The following TNS1 variants were observed in gnomAD, a reference collection of about 807,000 sequenced individuals.
TNS1 encodes the protein tensin-1.
TNS1 carries 62 observed loss-of-function variants against 168.6 expected under a neutral mutation model. That is an observed-to-expected ratio of 0.37 (90% CI 0.30 to 0.45). The LOEUF (loss-of-function observed/expected upper bound fraction) is 0.45, where lower values mean the gene tolerates loss of function less well. TNS1 is among the 20% of genes least tolerant of loss of function. TNS1 has a pLI of 1.00. For synonymous variants in TNS1, 934 were observed against 933.2 expected, an observed-to-expected ratio of 1.00 and a Z score of -0.02; for missense variants, 2,240 against 2,339.4, an observed-to-expected ratio of 0.96 and a Z score of 0.88.
intron 3 of TNS1, among the ~76,000 whole-genome samples, chr2:217,960,240 G>A (rs1957464326): frequency 6.6e-6 from 1 of 152,156 alleles, no homozygotes; most frequent in Non-Finnish European, 1.5e-5. Context: ...CAGCAACCCT[G>A]CAAGCCAGGT....
intron 18 of TNS1, among the ~76,000 whole-genome samples, chr2:217,864,412 C>T (rs962193176): frequency 2.0e-5 from 3 of 152,184 alleles, no homozygotes; most frequent in Admixed American, 2.0e-4. Context: ...ATGCCATCTT[C>T]CTGATAAAGA....
At chr2:218,010,731 G>C (rs1958698952), upstream of TNS1, among the ~76,000 whole-genome samples, 1 of 152,126 alleles carries the variant, frequency 6.6e-6, no homozygotes. Context: ...GCTGCAGTGA[G>C]GGTGTGAGCC....
At chr2:217,852,196 A>G (rs1360909653) in intron 18 of TNS1, among the ~76,000 whole-genome samples, 1 of 152,174 alleles carries the variant, frequency 6.6e-6, no homozygotes, top group Non-Finnish European at 1.5e-5. Flanking sequence ...AAAGCACTGA[A>G]GACAGGAGCC....
chr2:218,031,172 TTG>T (rs1391934200), intron 1 of TNS1, among the ~76,000 whole-genome samples: 3 of 146,608 alleles, frequency 2.0e-5, no homozygotes, highest in Admixed American at 6.8e-5. Flanking sequence ...TATGAGTGTC[TTG>T]TGTGAGTGTG....
chr2:217,860,668 TG>T (rs1948697235), intron 18 of TNS1, among the ~76,000 whole-genome samples: 1 of 152,260 alleles, frequency 6.6e-6, no homozygotes, highest in African/African-American at 2.4e-5. Context: ...ATTATTATTT[TG>T]TAAGTTATAA....
In TNS1 at chr2:217,818,353, T is replaced by G. The variant is rs1179684541; in HGVS notation, c.3979A>C (p.Thr1327Pro). 33 of 1,614,046 alleles carry G rather than the reference T, an allele frequency of 2.0e-5. No homozygotes were observed. The highest frequency in any genetic ancestry group is 2.7e-5 in the Non-Finnish European group (32 of 1,180,046). ...GAGACAGTGCTACCATGGAAGCCAG[T>G]GCCTGGTGGACCCATCATCTGGTGA... The part of the protein sequence containing the change: ...SHHQMMGPPG[T>P]GFHGSTVSSP... The change falls in exon 24 of 33, where the codon ACT becomes CCT. Residue 1327 changes from threonine (T) to proline (P), a missense_variant. Coordinates refer to ENST00000682258, the MANE Select transcript of TNS1 (RefSeq NM_001387777.1).
chr2:217,872,329 G>T (rs188783431), intron 18 of TNS1, among the ~76,000 whole-genome samples: 1 of 152,162 alleles, frequency 6.6e-6, no homozygotes, highest in Non-Finnish European at 1.5e-5. Flanking sequence ...CCTGTTGCCA[G>T]AATATAAAAT....
intron 1 of TNS1, among the ~76,000 whole-genome samples, chr2:217,999,238 C>T (rs1178073253): frequency 2.0e-5 from 3 of 152,236 alleles, no homozygotes; most frequent in East Asian, 3.8e-4. Context: ...GGAGTCTTGA[C>T]TCTGACTTGC....
At chr2:217,867,334 T>C (rs560530992) in intron 18 of TNS1, among the ~76,000 whole-genome samples, 2 of 152,360 alleles carry the variant, frequency 1.3e-5, no homozygotes, top group East Asian at 3.9e-4. Context: ...TCCAGAAATT[T>C]GTCCTATAGA....
chr2:217,978,204 G>A (rs989592274), intron 3 of TNS1, among the ~76,000 whole-genome samples: 2 of 152,130 alleles, frequency 1.3e-5, no homozygotes, highest in African/African-American at 4.8e-5. Flanking sequence ...GGAAATTGAG[G>A]ACCAAAAGAA....
At chr2:217,938,838 G>C (rs561881339) in intron 3 of TNS1, among the ~76,000 whole-genome samples, 1 of 152,182 alleles carries the variant, frequency 6.6e-6, no homozygotes, top group African/African-American at 2.4e-5. Context: ...CAAGACCTCC[G>C]GAGGGCCGCT....
chr2:217,929,661 C>T, intron 3 of TNS1, among the ~76,000 whole-genome samples: 1 of 150,818 alleles, frequency 6.6e-6, no homozygotes, highest in Non-Finnish European at 1.5e-5. Context: ...CTGCCACCAC[C>T]CCCATCTCCA....
intron 3 of TNS1, among the ~76,000 whole-genome samples, chr2:217,943,544 A>G (rs1957017958): frequency 6.6e-6 from 1 of 152,146 alleles, no homozygotes; most frequent in African/African-American, 2.4e-5. Context: ...GACACCAGCA[A>G]CTTCCCCAGC....
intron 18 of TNS1, among the ~76,000 whole-genome samples, chr2:217,876,271 T>C (rs937434450): frequency 3.9e-5 from 6 of 152,142 alleles, no homozygotes; most frequent in Non-Finnish European, 5.9e-5. Flanking sequence ...TGGAGGAATT[T>C]GGAGCCTGCT....
chr2:217,840,127 T>C (rs942760334), intron 19 of TNS1, among the ~76,000 whole-genome samples: 4 of 152,200 alleles, frequency 2.6e-5, no homozygotes, highest in African/African-American at 9.6e-5. Flanking sequence ...GAAGGGACCA[T>C]GGAGGCACCA....
chr2:217,856,654 G>A (rs1948169251), intron 18 of TNS1, among the ~76,000 whole-genome samples: 1 of 152,048 alleles, frequency 6.6e-6, no homozygotes, highest in Non-Finnish European at 1.5e-5. Context: ...GGAGACTTAG[G>A]TGCACGTTGG....
intron 1 of TNS1, among the ~76,000 whole-genome samples, chr2:218,031,055 T>C (rs541604100): frequency 0.011 from 1,644 of 148,756 alleles, 45 homozygotes; most frequent in African/African-American, 0.04. Context: ...CATGTGAGCA[T>C]ATGTGTGAGT....
chr2:217,873,120 C>G (rs1207944186), intron 18 of TNS1, among the ~76,000 whole-genome samples: 2 of 152,102 alleles, frequency 1.3e-5, no homozygotes, highest in East Asian at 1.9e-4. Context: ...GATGGTTGTA[C>G]AAGCCTAAAT....
At chr2:218,021,674 G>A (rs940460404) in intron 1 of TNS1, among the ~76,000 whole-genome samples, 25 of 151,996 alleles carry the variant, frequency 1.6e-4, no homozygotes, top group African/African-American at 5.6e-4. Context: ...CCCAGGAGTC[G>A]CTGGGGCCAG....
Sources: allele counts gnomAD v4.1 joint callset (sites outside exome capture counted in the v4.1 genomes callset), GRCh38; gene constraint gnomAD v4.1.1; transcripts MANE v1.5; gene names NCBI Gene and HGNC (gene_info 2026-07-23, HGNC 2026-07-21).